Variants in CCDC174 observed in about 807,000 individuals in gnomAD.
The protein encoded by CCDC174 is coiled-coil domain-containing protein 174.
A neutral mutation model predicts 57.1 loss-of-function variants in CCDC174; 37 were observed. That is an observed-to-expected ratio of 0.65 (90% confidence interval 0.50 to 0.85). The LOEUF is 0.85. Ranked by LOEUF, CCDC174 falls within the 40% of genes least tolerant of loss-of-function variation. CCDC174 has a pLI of 0.00. For missense variants in CCDC174, 540 were observed against 574.3 expected, an observed-to-expected ratio of 0.94 and a Z score of 0.61; for synonymous variants, 182 against 190.2, an observed-to-expected ratio of 0.96 and a Z score of 0.35.
At chr3:14,658,212 C>G (rs972805260) in intron 3 of CCDC174, among the ~76,000 whole-genome samples, 1 of 152,232 alleles carries the variant, frequency 6.6e-6, no homozygotes, top group Non-Finnish European at 1.5e-5. Flanking sequence ...TTTTCTTGTT[C>G]CTGTGAGTCC....
At chr3:14,655,004 G>A (rs763790594) in intron 2 of CCDC174, among the ~76,000 whole-genome samples, 3 of 152,182 alleles carry the variant, frequency 2.0e-5, no homozygotes, top group Non-Finnish European at 4.4e-5. Context: ...AAAGATAGTA[G>A]GAAGTGATTC....
chr3:14,652,529 G>A (rs1418183749), intron 1 of CCDC174, among the ~76,000 whole-genome samples: 1 of 152,208 alleles, frequency 6.6e-6, no homozygotes. Flanking sequence ...GGAGGTAGGT[G>A]CTATTAATAT....
Position 14,655,574 on chromosome 3 carries a change from G to T in CCDC174, c.193G>T (p.Ala65Ser). The change falls in exon 3 of 11, where the codon GCT becomes TCT. Residue 65 changes from alanine (A) to serine (S), a missense_variant. Ala to Ser is a moderately conservative substitution (Grantham distance 99). Transcript: ENST00000383794. ...ACAGAATGTAGGCGTTTCAAATCGA[G>T]CTGAGAAGGATGCTGAACAGAAGAT... ...SKQNVGVSNR[A>S]EKDAEQKIEE... 5 of 1,610,706 alleles carry T rather than the reference G, an allele frequency of 3.1e-6. No homozygotes were observed. Among genetic ancestry groups the T allele is most frequent in the Non-Finnish European group, 4.2e-6 (5 of 1,178,228 alleles).
intron 1 of CCDC174, among the ~76,000 whole-genome samples, chr3:14,652,110 G>A (rs2030789690): frequency 6.6e-6 from 1 of 152,072 alleles, no homozygotes; most frequent in African/African-American, 2.4e-5. Flanking sequence ...CAGAACCCTC[G>A]GACACGGATC....
At chr3:14,665,860 C>G (rs1298983944) in intron 6 of CCDC174, among the ~76,000 whole-genome samples, 1 of 146,850 alleles carries the variant, frequency 6.8e-6, no homozygotes, top group African/African-American at 2.5e-5. Flanking sequence ...AAAACCCCGT[C>G]TCTACTGAAA....
chr3:14,660,487 G>A (rs2053020), intron 4 of CCDC174, among the ~76,000 whole-genome samples: 7,439 of 152,074 alleles, frequency 0.049, 448 homozygotes, highest in African/African-American at 0.15. Flanking sequence ...CTGGGCGACG[G>A]AGTGAGATTC....
chr3:14,656,246 C>T (rs370841128), intron 3 of CCDC174, among the ~76,000 whole-genome samples: 3 of 152,234 alleles, frequency 2.0e-5, no homozygotes, highest in East Asian at 3.9e-4. Context: ...TCAGATTTCA[C>T]CAGTTATCCC....
At chr3:14,664,881 T>C in intron 5 of CCDC174, 147 bp from the exon 6 acceptor site, 1 of 663,338 alleles carries the variant, frequency 1.5e-6, no homozygotes, top group East Asian at 2.5e-5. Flanking sequence ...AAAAAGCATA[T>C]TCCTATCAGT....
chr3:14,655,541 T>G lies in CCDC174; in HGVS notation c.160T>G (p.Trp54Gly), dbSNP rs757325307. Residue 54 changes from tryptophan to glycine, a missense_variant, in exon 3 of 11, where the codon TGG becomes GGG. Physicochemically the swap from Trp to Gly is radical, Grantham distance 184 (BLOSUM62 -2). Transcript: ENST00000383794. ...PKTTNKKPSI[W>G]SKQNVGVSNR... is the part of the protein sequence containing the mutation. ...AATTATTCTCCAGAAACCAAGTATC[T>G]GGAGCAAACAGAATGTAGGCGTTTC... The G allele has an allele frequency of 6.2e-7, 1 of 1,606,546 alleles. No homozygotes were observed. Among genetic ancestry groups the G allele is most frequent in the Non-Finnish European group, 8.5e-7 (1 of 1,176,414 alleles).
intron 5 of CCDC174, among the ~76,000 whole-genome samples, chr3:14,662,543 A>G (rs577550978): frequency 6.6e-6 from 1 of 152,212 alleles, no homozygotes; most frequent in African/African-American, 2.4e-5. Context: ...TTCTGTTACA[A>G]TGATTTTTTT....
At chr3:14,657,611 A>G (rs1156992140) in intron 3 of CCDC174, among the ~76,000 whole-genome samples, 1 of 152,196 alleles carries the variant, frequency 6.6e-6, no homozygotes, top group South Asian at 2.1e-4. Flanking sequence ...GCTACACTGC[A>G]CCAAGTTTCA....
chr3:14,670,662 CT>C (rs2124851139), intron 10 of CCDC174, among the ~76,000 whole-genome samples: 1 of 152,264 alleles, frequency 6.6e-6, no homozygotes, highest in East Asian at 1.9e-4. Flanking sequence ...CTGTATTTCT[CT>C]TTTTCTGTAT....
At chr3:14,652,458 G>A (rs1247586028) in intron 1 of CCDC174, among the ~76,000 whole-genome samples, 1 of 152,178 alleles carries the variant, frequency 6.6e-6, no homozygotes, top group Admixed American at 6.5e-5. Context: ...CTTGTTCTAA[G>A]TACACATTTT....
chr3:14,667,179 G>A (rs2031370585), intron 7 of CCDC174: 1 of 614,570 alleles, frequency 1.6e-6, no homozygotes, highest in East Asian at 2.8e-5. Context: ...GAGAGAAGTG[G>A]AGACAGCCCA....
chr3:14,668,673 A>G (rs917041033), intron 9 of CCDC174, among the ~76,000 whole-genome samples: 2 of 117,644 alleles, frequency 1.7e-5, no homozygotes, highest in African/African-American at 5.1e-5. Flanking sequence ...CCTTGGAAAC[A>G]CTGTTAAATG....
At chr3:14,659,669 C>T (rs1022992304) in intron 4 of CCDC174, among the ~76,000 whole-genome samples, 6 of 151,880 alleles carry the variant, frequency 4.0e-5, no homozygotes, top group African/African-American at 1.2e-4. Flanking sequence ...AGCTATGATC[C>T]AGCCTGGGTG....
At chr3:14,666,349 G>A (rs1337589946) in intron 6 of CCDC174, among the ~76,000 whole-genome samples, 1 of 152,178 alleles carries the variant, frequency 6.6e-6, no homozygotes, top group East Asian at 1.9e-4. Context: ...CTGGCCGGGC[G>A]CAGTGGCTCA....
Position 14,668,159 on chromosome 3 carries a change from TGGAACAGAA to T in CCDC174, c.932_940del (p.Gly311_Glu313del), listed in dbSNP as rs767811668. On this transcript the variant is annotated inframe_deletion, in exon 9 of 11. Transcript: ENST00000383794. ...AAAAGATGAAAAAATCAAAAGAAGG[TGGAACAGAA>T]GAAGAAAATAGAGGTATATCATGGC... 6.2e-7 allele frequency: 1 copy of T among 1,611,248 alleles called. No homozygotes were observed. The highest frequency in any genetic ancestry group is 8.5e-7 in the Non-Finnish European group (1 of 1,179,106).
chr3:14,671,327 T>C lies in CCDC174; in HGVS notation c.*133T>C. The C allele has an allele frequency of 1.1e-6, 1 of 949,956 alleles. No individual in the cohort carries two copies. The highest frequency in any genetic ancestry group is 2.5e-5 in the East Asian group (1 of 39,620). 58.8% of individuals were successfully genotyped at this position (949,956 alleles called of 1,614,324 possible). On this transcript the variant is annotated 3_prime_UTR_variant, in exon 11 of 11. Transcript: ENST00000383794. Reference sequence around the variant, plus strand: ...AGGAGGCACAGACTTCGGGTTGGATTTGTCAGCAAGGAGGAAAGTTATGGA... The same window carrying C: ...AGGAGGCACAGACTTCGGGTTGGATCTGTCAGCAAGGAGGAAAGTTATGGA...
Sources: gnomAD v4.1 joint callset for allele counts (sites outside exome capture counted in the v4.1 genomes callset) on GRCh38, gnomAD v4.1.1 for gene constraint, MANE v1.5 for transcripts, NCBI Gene and HGNC (gene_info 2026-07-23, HGNC 2026-07-21) for gene names.